Variants in PTPRD observed in about 807,000 individuals in gnomAD.
The protein encoded by PTPRD is protein tyrosine phosphatase receptor type D.
Under a neutral mutation model 214.5 loss-of-function variants are expected in PTPRD, and 34 were observed. That is an observed-to-expected ratio of 0.16 (90% CI 0.12 to 0.21). The LOEUF is 0.21. PTPRD is among the 10% of genes least tolerant of loss of function. The probability of loss-of-function intolerance (pLI) is 1.00; values close to 1 mark genes in which losing one functional copy is unlikely to be tolerated. For missense variants in PTPRD, 2,545 were observed against 2,398.7 expected, an observed-to-expected ratio of 1.06 and a Z score of -1.27; for synonymous variants, 1,128 against 845.7, an observed-to-expected ratio of 1.33 and a Z score of -5.79.
intron 3 of PTPRD, among the ~76,000 whole-genome samples, chr9:10,267,954 T>A (rs1448871509): frequency 6.6e-6 from 1 of 152,048 alleles, no homozygotes; most frequent in Non-Finnish European, 1.5e-5. Context: ...GAAAATTTTG[T>A]CAAAATTTAT....
At chr9:9,480,129 G>C (rs943776005) in intron 8 of PTPRD, among the ~76,000 whole-genome samples, 1 of 152,130 alleles carries the variant, frequency 6.6e-6, no homozygotes, top group Non-Finnish European at 1.5e-5. Context: ...CACATTGAAA[G>C]AATAAGGGCA....
chr9:10,470,725 C>T (rs1282143069), intron 2 of PTPRD, among the ~76,000 whole-genome samples: 1 of 152,086 alleles, frequency 6.6e-6, no homozygotes, highest in Non-Finnish European at 1.5e-5. Flanking sequence ...GAAATTTTCC[C>T]CTCTGAGGCA....
chr9:8,448,167 T>C, intron 34 of PTPRD, among the ~76,000 whole-genome samples: 1 of 145,940 alleles, frequency 6.9e-6, no homozygotes, highest in Non-Finnish European at 1.5e-5. Context: ...TCCACAAAAA[T>C]AAAAAAAAAA....
intron 4 of PTPRD, among the ~76,000 whole-genome samples, chr9:9,971,539 G>A (rs2095102338): frequency 6.6e-6 from 1 of 152,238 alleles, no homozygotes; most frequent in South Asian, 2.1e-4. Context: ...AGGAATTCAG[G>A]CTTAGAAACT....
At chr9:10,563,760 T>G (rs1423678963) in intron 2 of PTPRD, among the ~76,000 whole-genome samples, 2 of 152,018 alleles carry the variant, frequency 1.3e-5, no homozygotes, top group Non-Finnish European at 2.9e-5. Flanking sequence ...GTTTTGCTTT[T>G]GAACAAATTT....
chr9:9,897,920 C>T (rs559980837), intron 5 of PTPRD, among the ~76,000 whole-genome samples: 2 of 151,768 alleles, frequency 1.3e-5, no homozygotes, highest in African/African-American at 4.8e-5. Context: ...CAACTGTTCA[C>T]CTTTGACGGC....
intron 7 of PTPRD, among the ~76,000 whole-genome samples, chr9:9,684,524 CT>C (rs1564529129): frequency 6.6e-6 from 1 of 151,630 alleles, no homozygotes; most frequent in African/African-American, 2.4e-5. Context: ...AAGATAGTTG[CT>C]TATTATTTTA....
chr9:9,453,744 T>G (rs2092593580), intron 8 of PTPRD, among the ~76,000 whole-genome samples: 1 of 151,684 alleles, frequency 6.6e-6, no homozygotes, highest in Non-Finnish European at 1.5e-5. Context: ...AATCTGACAT[T>G]TTTGGATTTA....
intron 3 of PTPRD, among the ~76,000 whole-genome samples, chr9:10,145,011 GA>G (rs1293562772): frequency 2.0e-5 from 3 of 151,072 alleles, no homozygotes; most frequent in South Asian, 4.2e-4. Context: ...CCTTTATCAG[GA>G]AAAAAAATAT....
At chr9:8,854,525 T>C (rs954013260) in intron 11 of PTPRD, among the ~76,000 whole-genome samples, 1 of 152,220 alleles carries the variant, frequency 6.6e-6, no homozygotes, top group Admixed American at 6.5e-5. Context: ...ACTTACAGTG[T>C]ACTCTTTTAC....
At chr9:8,714,958 T>G (rs1378118894) in intron 12 of PTPRD, among the ~76,000 whole-genome samples, 1 of 152,016 alleles carries the variant, frequency 6.6e-6, no homozygotes, top group Non-Finnish European at 1.5e-5. Flanking sequence ...TTTTTTTTTG[T>G]CTGTCTTGGT....
chr9:8,864,528 A>G (rs777019346), intron 11 of PTPRD, among the ~76,000 whole-genome samples: 40 of 152,338 alleles, frequency 2.6e-4, no homozygotes, highest in Non-Finnish European at 5.3e-4. Context: ...TTACATTTTT[A>G]GAAAGAAAGC....
chr9:10,521,855 ATAGTT>A (rs2052424062), intron 2 of PTPRD, among the ~76,000 whole-genome samples: 1 of 152,220 alleles, frequency 6.6e-6, no homozygotes, highest in Non-Finnish European at 1.5e-5. Flanking sequence ...AGGCTACAGT[ATAGTT>A]TAGTCATAAT....
chr9:10,369,366 G>T (rs970551115), intron 2 of PTPRD, among the ~76,000 whole-genome samples: 2 of 152,014 alleles, frequency 1.3e-5, no homozygotes, highest in Non-Finnish European at 2.9e-5. Context: ...TCATAGCCAG[G>T]CATCTAGTGT....
At chr9:10,459,716 T>C (rs113429426) in intron 2 of PTPRD, among the ~76,000 whole-genome samples, 3,332 of 152,144 alleles carry the variant, frequency 0.022, 102 homozygotes, top group African/African-American at 0.068. Flanking sequence ...TTGAGAAGTG[T>C]CTGTTCACAC....
At chr9:10,311,101 A>T (rs995792836) in intron 3 of PTPRD, among the ~76,000 whole-genome samples, 1 of 151,256 alleles carries the variant, frequency 6.6e-6, no homozygotes, top group Non-Finnish European at 1.5e-5. Flanking sequence ...TTTACTTTTT[A>T]TTTTACTTAT....
intron 3 of PTPRD, among the ~76,000 whole-genome samples, chr9:10,263,311 T>G (rs193196273): frequency 6.6e-6 from 1 of 152,068 alleles, no homozygotes. Context: ...GACAGGAGTA[T>G]GTGGGAAAGT....
At chr9:9,054,086 G>A (rs1427644470) in intron 10 of PTPRD, among the ~76,000 whole-genome samples, 1 of 152,056 alleles carries the variant, frequency 6.6e-6, no homozygotes, top group Non-Finnish European at 1.5e-5. Flanking sequence ...TGAGCTCCTG[G>A]TCCATGCACC....
intron 14 of PTPRD, among the ~76,000 whole-genome samples, chr9:8,544,207 C>T: frequency 7.9e-6 from 1 of 126,908 alleles, no homozygotes; most frequent in Non-Finnish European, 1.6e-5. Context: ...CTGCTTTTTG[C>T]CCAGTCTGGA....
Sources: gnomAD v4.1 joint callset for allele counts (sites outside exome capture counted in the v4.1 genomes callset) on GRCh38, gnomAD v4.1.1 for gene constraint, MANE v1.5 for transcripts, NCBI Gene and HGNC (gene_info 2026-07-23, HGNC 2026-07-21) for gene names.